ESRRG: variants seen among roughly 807,000 people sequenced by gnomAD.
The protein encoded by ESRRG is estrogen related receptor gamma, also known as estrogen-related receptor gamma.
In ESRRG, 13 loss-of-function variants were observed where a neutral mutation model predicts 44.0. That is an observed-to-expected ratio of 0.30 (90% CI 0.19 to 0.47). The LOEUF (loss-of-function observed/expected upper bound fraction) is 0.47, where lower values mean the gene tolerates loss of function less well. Ranked by LOEUF, ESRRG falls within the 20% of genes least tolerant of loss-of-function variation. The pLI is 1.00. For synonymous variants in ESRRG, 215 were observed against 214.6 expected, an observed-to-expected ratio of 1.00 and a Z score of -0.02; for missense variants, 395 against 580.6, an observed-to-expected ratio of 0.68 and a Z score of 3.29.
chr1:217,059,136 T>C (rs1186877764), intron 1 of ESRRG, among the ~76,000 whole-genome samples: 1 of 149,642 alleles, frequency 6.7e-6, no homozygotes, highest in African/African-American at 2.4e-5. Context: ...TTACAAGAAA[T>C]GCAGGGGACA....
intron 1 of ESRRG, among the ~76,000 whole-genome samples, chr1:216,951,092 A>G (rs2066878390): frequency 6.6e-6 from 1 of 152,180 alleles, no homozygotes; most frequent in Non-Finnish European, 1.5e-5. Flanking sequence ...TGTATCCACT[A>G]TTTATGTTTT....
intron 2 of ESRRG, among the ~76,000 whole-genome samples, chr1:216,885,777 C>T (rs1477493585): frequency 1.3e-5 from 2 of 151,822 alleles, no homozygotes; most frequent in East Asian, 3.9e-4. Context: ...TGCTGCTCCC[C>T]AAATATACGG....
chr1:216,984,861 A>G (rs12094687), intron 1 of ESRRG, among the ~76,000 whole-genome samples: 9,253 of 152,276 alleles, frequency 0.061, 894 homozygotes, highest in African/African-American at 0.21. Flanking sequence ...GAATCCCATT[A>G]ACACATATAT....
chr1:216,907,603 C>T (rs1293689175), intron 2 of ESRRG, among the ~76,000 whole-genome samples: 2 of 152,194 alleles, frequency 1.3e-5, no homozygotes, highest in Non-Finnish European at 2.9e-5. Context: ...CCTTGTACCC[C>T]TGTAACTACC....
chr1:216,939,708 C>G (rs1274656829), intron 1 of ESRRG: 1 of 80,406 alleles, frequency 1.2e-5, no homozygotes, highest in Non-Finnish European at 2.6e-5. Flanking sequence ...AGGATCCAAC[C>G]CAAAAAAGGA....
At chr1:217,010,152 G>C (rs1462091624) in intron 1 of ESRRG, among the ~76,000 whole-genome samples, 1 of 152,078 alleles carries the variant, frequency 6.6e-6, no homozygotes. Flanking sequence ...GTGCAGAGAT[G>C]ATCCCAGCCA....
In ESRRG at chr1:216,865,187, C is replaced by CAAAAAAAAAAAAAAAAAAAA. The variant is rs548064265; in HGVS notation, c.-14+74375_-14+74394dup. 11 of 49,240 alleles carry CAAAAAAAAAAAAAAAAAAAA rather than the reference C, an allele frequency of 2.2e-4. No homozygotes were observed. In the East Asian group the frequency reaches 2.2e-3, roughly 10 times the overall value. 3.1% of individuals were successfully genotyped at this position (49,240 alleles called of 1,614,324 possible). A position where few individuals can be genotyped will look rare whatever the true frequency, so the allele number is the denominator to read the frequency against. On this transcript the variant is annotated intron_variant, in intron 2 of 7. Transcript: ENST00000359162. Reference sequence around the variant, plus strand: ...ACTTCAACTTTTTAAAGCTGTGCAGCAAAAAAAAAAAAAAAAAAAAAAAAA... The same window carrying CAAAAAAAAAAAAAAAAAAAA: ...ACTTCAACTTTTTAAAGCTGTGCAGCAAAAAAAAAAAAAAAAAAAAAAAAAAAAAAAAAAAAAAAAAAAAA...
At chr1:216,636,466 T>C (rs909777445) in intron 3 of ESRRG, among the ~76,000 whole-genome samples, 1 of 152,222 alleles carries the variant, frequency 6.6e-6, no homozygotes, top group Non-Finnish European at 1.5e-5. Flanking sequence ...TCTCTCTCAT[T>C]GTGATCGAAA....
chr1:216,672,580 T>C (rs928897017), intron 2 of ESRRG, among the ~76,000 whole-genome samples: 1 of 152,158 alleles, frequency 6.6e-6, no homozygotes, highest in Non-Finnish European at 1.5e-5. Flanking sequence ...AAATAAATTG[T>C]TAAAATAAGA....
chr1:216,688,406 C>T (rs1443400415), intron 1 of ESRRG, among the ~76,000 whole-genome samples: 4 of 152,192 alleles, frequency 2.6e-5, no homozygotes, highest in Admixed American at 1.3e-4. Context: ...TTAATTTCCA[C>T]AGCACCATCT....
chr1:217,073,338 G>A (rs1366807224), intron 1 of ESRRG, among the ~76,000 whole-genome samples: 1 of 151,724 alleles, frequency 6.6e-6, no homozygotes, highest in Non-Finnish European at 1.5e-5. Context: ...TCTTAAAGGA[G>A]ATTAGTTGTT....
At chr1:216,627,748 T>G (rs2063429982) in intron 3 of ESRRG, among the ~76,000 whole-genome samples, 1 of 152,244 alleles carries the variant, frequency 6.6e-6, no homozygotes, top group Admixed American at 6.5e-5. Flanking sequence ...TTAAGCTTTG[T>G]TAGCATAGTC....
At chr1:216,682,814 C>A (rs904296673) in intron 1 of ESRRG, among the ~76,000 whole-genome samples, 1 of 151,426 alleles carries the variant, frequency 6.6e-6, no homozygotes, top group African/African-American at 2.4e-5. Flanking sequence ...AGCCCATGAC[C>A]CCAGCAGCTC....
chr1:216,723,458 C>T (rs1294148195), upstream of ESRRG: 1 of 656,908 alleles, frequency 1.5e-6, no homozygotes, highest in Non-Finnish European at 2.7e-6. Context: ...GGACTTAAAG[C>T]CCCGATTGGA....
intron 3 of ESRRG, among the ~76,000 whole-genome samples, chr1:216,591,082 G>T (rs949921881): frequency 2.0e-5 from 3 of 151,998 alleles, no homozygotes; most frequent in African/African-American, 7.3e-5. Flanking sequence ...TTTTTCTAAA[G>T]AATTGACTCT....
At chr1:216,688,406 C>A (rs1443400415) in intron 1 of ESRRG, among the ~76,000 whole-genome samples, 1 of 152,192 alleles carries the variant, frequency 6.6e-6, no homozygotes, top group Non-Finnish European at 1.5e-5. Flanking sequence ...TTAATTTCCA[C>A]AGCACCATCT....
rs747270348 is a variant in ESRRG, at chr1:216,581,653, G to GAGAA, written c.590-13556_590-13555insTTCT. On this transcript the variant is annotated intron_variant, in intron 3 of 6. Coordinates refer to ENST00000408911, the MANE Select transcript of ESRRG (RefSeq NM_001438.4). Reference sequence around the variant, plus strand: ...TTAAATAAAGAGAGAGAGAGAGAGAGAAAACAAAAACAATGGGCATGAACT... The same window carrying GAGAA: ...TTAAATAAAGAGAGAGAGAGAGAGAGAGAAAAAACAAAAACAATGGGCATGAACT... Among the ~76,000 whole-genome samples the GAGAA allele has an allele frequency of 5.3e-3, 806 of 151,796 alleles. 6 individuals carry two copies. The highest frequency in any genetic ancestry group is 0.018 in the African/African-American group (761 of 41,342).
At chr1:216,598,151 C>G (rs867104223) in intron 3 of ESRRG, among the ~76,000 whole-genome samples, 15 of 152,056 alleles carry the variant, frequency 9.9e-5, no homozygotes, top group African/African-American at 3.4e-4. Context: ...TTCTAAAGAC[C>G]AATAGTTCAA....
In ESRRG at chr1:216,768,369, A is replaced by G. The variant is rs187488879; in HGVS notation, c.-13-90878T>C. Reference sequence around the variant, plus strand: ...AGCCCTCTTTAAAAACATTTCTTGGAGAAAGGATAAATCATCTTTATTCAT... The same window carrying G: ...AGCCCTCTTTAAAAACATTTCTTGGGGAAAGGATAAATCATCTTTATTCAT... On this transcript the variant is annotated intron_variant, in intron 2 of 7. Coordinates refer to the ESRRG transcript ENST00000359162. 1.2e-3 allele frequency among the ~76,000 whole-genome samples: 177 copies of G among 152,274 alleles called. 2 individuals are homozygous for G. The highest frequency in any genetic ancestry group is 8.1e-3 in the Admixed American group (123 of 15,278).
Sources: allele counts gnomAD v4.1 joint callset (sites outside exome capture counted in the v4.1 genomes callset), GRCh38; gene constraint gnomAD v4.1.1; transcripts MANE v1.5; gene names NCBI Gene and HGNC (gene_info 2026-07-23, HGNC 2026-07-21).